ARFGEF2: variants seen among roughly 807,000 people sequenced by gnomAD.
ARFGEF2 encodes brefeldin A-inhibited guanine nucleotide-exchange protein 2.
A neutral mutation model predicts 219.9 loss-of-function variants in ARFGEF2; 74 were observed. The ratio of observed to expected loss-of-function variants is 0.34; its 90% CI spans 0.28 to 0.41. The LOEUF (loss-of-function observed/expected upper bound fraction) is 0.41, where lower values mean the gene tolerates loss of function less well. Ranked by LOEUF, ARFGEF2 falls within the 10% of genes least tolerant of loss-of-function variation. The probability of loss-of-function intolerance (pLI) is 1.00; values close to 1 mark genes in which losing one functional copy is unlikely to be tolerated. For missense variants in ARFGEF2, 1,743 were observed against 2,218.3 expected, an observed-to-expected ratio of 0.79 and a Z score of 4.30; for synonymous variants, 733 against 799.2, an observed-to-expected ratio of 0.92 and a Z score of 1.40.
chr20:49,032,974 A>C lies in ARFGEF2; in HGVS notation c.5182-49A>C, dbSNP rs530549515. On this transcript the variant is annotated intron_variant, in intron 38 of 38. Transcript: ENST00000371917. ...TAACACTTCTGAAAAACTGGTGCCC[A>C]AAAAAAAAAAAAATTGTCTAATTTT... 4.9e-3 allele frequency: 2,471 copies of C among 503,818 alleles called. 5 individuals carry two copies. In the South Asian group the frequency reaches 0.053, roughly 11 times the overall value. 31.2% of individuals were successfully genotyped at this position (503,818 alleles called of 1,614,324 possible). A position where few individuals can be genotyped will look rare whatever the true frequency, so the allele number is the denominator to read the frequency against.
chr20:48,974,082 C>T (rs550371991), intron 12 of ARFGEF2, among the ~76,000 whole-genome samples: 17 of 146,702 alleles, frequency 1.2e-4, no homozygotes, highest in South Asian at 6.6e-4. Flanking sequence ...TTTTCAGTCA[C>T]TGGTTGAGAC....
intron 25 of ARFGEF2, among the ~76,000 whole-genome samples, chr20:49,004,440 A>G (rs551289335): frequency 2.0e-5 from 3 of 152,084 alleles, no homozygotes; most frequent in Non-Finnish European, 4.4e-5. Context: ...ATTTTATGTT[A>G]TGTATATTTT....
chr20:49,005,424 C>T (rs1017355519), intron 26 of ARFGEF2, among the ~76,000 whole-genome samples: 3 of 152,064 alleles, frequency 2.0e-5, no homozygotes, highest in African/African-American at 7.2e-5. Context: ...GGACAGATGT[C>T]ACCCTGCAAC....
intron 37 of ARFGEF2, among the ~76,000 whole-genome samples, chr20:49,030,724 C>T (rs971069820): frequency 5.3e-5 from 8 of 152,078 alleles, no homozygotes; most frequent in South Asian, 4.1e-4. Context: ...TAGGGCCGGG[C>T]GCGGTGGGTC....
intron 21 of ARFGEF2, among the ~76,000 whole-genome samples, chr20:48,993,476 A>T (rs73909769): frequency 1.2e-3 from 176 of 152,378 alleles, no homozygotes; most frequent in African/African-American, 4.1e-3. Flanking sequence ...AAAGCAATTT[A>T]TAAGTAAAGA....
intron 21 of ARFGEF2, among the ~76,000 whole-genome samples, chr20:48,993,550 G>A (rs754921710): frequency 6.6e-6 from 1 of 152,200 alleles, no homozygotes; most frequent in Non-Finnish European, 1.5e-5. Flanking sequence ...TAAGGTCAGC[G>A]TAAAAAGCAA....
At chr20:48,998,014 C>A in intron 23 of ARFGEF2, 179 bp from the exon 24 acceptor site, 2 of 614,296 alleles carry the variant, frequency 3.3e-6, no homozygotes, top group Non-Finnish European at 3.0e-6. Flanking sequence ...CCCGCCACCA[C>A]GCCCAGCTAA....
chr20:48,937,410 A>C (rs1351409397), intron 1 of ARFGEF2, among the ~76,000 whole-genome samples: 2 of 151,804 alleles, frequency 1.3e-5, no homozygotes, highest in East Asian at 3.9e-4. Flanking sequence ...TTCTTTCTTT[A>C]TTTCTTTTTT....
intron 37 of ARFGEF2, among the ~76,000 whole-genome samples, chr20:49,031,317 C>T (rs936770086): frequency 2.0e-5 from 3 of 147,486 alleles, no homozygotes; most frequent in Admixed American, 6.9e-5. Flanking sequence ...GCAACCTCCA[C>T]CTCCTGAGTT....
chr20:48,923,015 C>T (rs1193749460), intron 1 of ARFGEF2, among the ~76,000 whole-genome samples: 4 of 152,186 alleles, frequency 2.6e-5, no homozygotes, highest in African/African-American at 9.7e-5. Context: ...GACTGCTTTC[C>T]ATGGTCAGGA....
chr20:49,025,607 AG>A, intron 36 of ARFGEF2, 126 bp downstream of exon 36: 2 of 1,069,594 alleles, frequency 1.9e-6, no homozygotes, highest in Non-Finnish European at 2.8e-6. Context: ...TTCATGCTTG[AG>A]GGGGAGAGAA....
At chr20:48,988,160 G>A (rs1720597932) in intron 16 of ARFGEF2, 144 bp from the exon 17 acceptor site, 1 of 680,630 alleles carries the variant, frequency 1.5e-6, no homozygotes, top group Non-Finnish European at 2.7e-6. Context: ...CTTGTTCAGT[G>A]ATGATGAAAG....
At chr20:49,010,467 C>A (rs930707014) in intron 27 of ARFGEF2, 63 bp downstream of exon 27, 3 of 1,591,584 alleles carry the variant, frequency 1.9e-6, no homozygotes, top group Non-Finnish European at 8.6e-7. Flanking sequence ...GTGTCACTTG[C>A]TGTCTATTTT....
chr20:48,977,921 G>T (rs2091272111), intron 14 of ARFGEF2, among the ~76,000 whole-genome samples: 1 of 152,126 alleles, frequency 6.6e-6, no homozygotes, highest in Non-Finnish European at 1.5e-5. Flanking sequence ...CTCCCATTCT[G>T]TAGGTTGCCT....
At chr20:49,001,320 A>AT (rs2091423997) in intron 25 of ARFGEF2, among the ~76,000 whole-genome samples, 1 of 152,120 alleles carries the variant, frequency 6.6e-6, no homozygotes, top group Non-Finnish European at 1.5e-5. Context: ...GATTACAGGC[A>AT]TGAACCACCG....
At chr20:48,999,327 G>T in intron 25 of ARFGEF2, 1 of 399,472 alleles carries the variant, frequency 2.5e-6, no homozygotes, top group Non-Finnish European at 4.9e-6. Context: ...GAATAAACCA[G>T]ACTGAACTTC....
rs928780640 is a variant in ARFGEF2, at chr20:49,001,377, A to G, written c.3432+2872A>G. The stretch of plus-strand genomic sequence containing the variant: ...CTCTTAACTTTTTCCACCACCTTGG[A>G]AAGATGTTCTTCCCATTGTGAACTG... On this transcript the variant is annotated intron_variant, in intron 25 of 38. Transcript: ENST00000371917. Among the ~76,000 whole-genome samples the G allele has an allele frequency of 7.2e-5, 11 of 152,072 alleles. No homozygotes were observed. In the South Asian group the frequency reaches 1.4e-3, roughly 20 times the overall value.
chr20:49,013,603 C>T lies in ARFGEF2; in HGVS notation c.3958C>T (p.Pro1320Ser). 1 of 1,614,132 alleles carries T rather than the reference C, an allele frequency of 6.2e-7. No homozygotes were observed. Among genetic ancestry groups the T allele is most frequent in the Non-Finnish European group, 8.5e-7 (1 of 1,180,012 alleles). The part of the protein sequence containing the change: ...EYTSDDMNVA[P>S]GDRVWVRGWF... ...CACAAGTGATGACATGAATGTAGCTCCTGGTGACAGAGTCTGGGTCCGAGG... is the reference window on the plus strand; with the variant it reads ...CACAAGTGATGACATGAATGTAGCTTCTGGTGACAGAGTCTGGGTCCGAGG... The change falls in exon 29 of 39, where the codon CCT becomes TCT. Residue 1320 changes from proline (P) to serine (S), a missense_variant. This residue lies in a region of ARFGEF2 where 578 missense variants were observed against 664.0 expected (regional missense o/e 0.87). Transcript: ENST00000371917.
intron 4 of ARFGEF2, 109 bp from the exon 5 acceptor site, chr20:48,952,596 G>A (rs1401422441): frequency 2.8e-6 from 3 of 1,078,282 alleles, no homozygotes; most frequent in Admixed American, 3.7e-5. Flanking sequence ...TTTGAAAAAA[G>A]CACACAGAAA....
Sources: gnomAD v4.1 joint callset for allele counts (sites outside exome capture counted in the v4.1 genomes callset) on GRCh38, gnomAD v4.1.1 for gene constraint, gnomAD v4.1.1 regional missense constraint, MANE v1.5 for transcripts, NCBI Gene and HGNC (gene_info 2026-07-23, HGNC 2026-07-21) for gene names.